The following DYNC1H1 variants were observed in gnomAD, a reference collection of about 807,000 sequenced individuals.
The protein encoded by DYNC1H1 is cytoplasmic dynein 1 heavy chain 1.
A neutral mutation model predicts 527.1 loss-of-function variants in DYNC1H1; 51 were observed. The observed-to-expected ratio is 0.10, with a 90% CI of 0.08 to 0.12. The LOEUF (loss-of-function observed/expected upper bound fraction) is 0.12. Among genes scored for constraint, DYNC1H1 ranks in the 10% least tolerant of loss-of-function variants. The probability of loss-of-function intolerance (pLI) is 1.00; values close to 1 mark genes in which losing one functional copy is unlikely to be tolerated. For missense variants in DYNC1H1, 2,771 were observed against 5,971.8 expected (o/e 0.46, Z 17.66); for synonymous variants, 2,189 against 2,278.8 (o/e 0.96, Z 1.12).
In DYNC1H1 at chr14:102,047,898, AGAC is replaced by A. The variant is rs879743942; in HGVS notation, c.13091_13093del (p.Thr4364del). On this transcript the variant is annotated inframe_deletion, in exon 73 of 78. Coordinates refer to ENST00000360184, the MANE Select transcript of DYNC1H1 (RefSeq NM_001376.5). ...CTGGCCTACGCAGAGACTGAGAAGA[AGAC>A]GAGGACAGACTCCACGTCCGACGGG... 5.6e-6 allele frequency: 9 copies of A among 1,613,610 alleles called. No individual in the cohort carries two copies. Among genetic ancestry groups the A allele is most frequent in the Non-Finnish European group, 7.6e-6 (9 of 1,180,010 alleles).
intron 23 of DYNC1H1, among the ~76,000 whole-genome samples, chr14:102,003,382 C>T (rs2048154000): frequency 6.6e-6 from 1 of 151,982 alleles, no homozygotes; most frequent in Non-Finnish European, 1.5e-5. Flanking sequence ...TTTCCTCAGC[C>T]TCCTGAGTAA....
At chr14:101,994,540 G>A in intron 12 of DYNC1H1, 133 bp from the exon 13 acceptor site, 1 of 1,356,018 alleles carries the variant, frequency 7.4e-7, no homozygotes, top group South Asian at 1.3e-5. Context: ...AAAATTCTGA[G>A]AGTCTGAAGT....
At position 101,985,702 on chromosome 14, in the gene DYNC1H1, C is replaced by A. The variant is rs1298953581; in HGVS notation, c.1477C>A (p.Gln493Lys). 1.9e-6 allele frequency: 3 copies of A among 1,614,172 alleles called. No homozygotes were observed. The highest frequency in any genetic ancestry group is 2.5e-6 in the Non-Finnish European group (3 of 1,180,046). ...VLRPQVTAVA[Q>K]QNQGEVPEPQ... ...TCTCCTTTAGGTCACGGCAGTTGCA[C>A]AACAGAATCAAGGAGAGGTCCCTGA... The change falls in exon 8 of 78, where the codon CAA becomes AAA. Residue 493 changes from glutamine (Q) to lysine (K), a missense_variant. Gln to Lys is a moderately conservative substitution (Grantham distance 53). Transcript: ENST00000360184. This position sits in a 1 kb window ranked among gnomAD's most constrained non-coding sequence, Gnocchi z 5.9.
chr14:102,040,105 A>G (rs2048628075), intron 62 of DYNC1H1, 131 bp from the exon 63 acceptor site: 1 of 1,281,092 alleles, frequency 7.8e-7, no homozygotes, highest in Non-Finnish European at 1.1e-6. Context: ...TCGGCCTCCC[A>G]GAGTGCTGAG....
At position 102,002,897 on chromosome 14, in the gene DYNC1H1, A is replaced by G; in HGVS notation, c.4815A>G (p.Ala1605=). ...TACAGAGGTCTCTGGAAAGATTGGC[A>G]GACCTGCTAGGAAAGATCCAGAAAG... ...QGVQRSLERL[A]DLLGKIQKAL... is the part of the protein sequence containing the mutation. The change falls in exon 23 of 78, where the codon GCA becomes GCG. Residue 1605 remains alanine, a synonymous_variant. Coordinates refer to ENST00000360184, the MANE Select transcript of DYNC1H1 (RefSeq NM_001376.5). The surrounding 1 kb of genome is among the most constrained non-coding windows in gnomAD (Gnocchi z 4.4). 6.2e-7 allele frequency: 1 copy of G among 1,614,226 alleles called. No individual in the cohort carries two copies. The highest frequency in any genetic ancestry group is 8.5e-7 in the Non-Finnish European group (1 of 1,180,034).
chr14:101,966,122 A>G (rs553482273), intron 1 of DYNC1H1, among the ~76,000 whole-genome samples: 22 of 152,310 alleles, frequency 1.4e-4, no homozygotes, highest in African/African-American at 5.1e-4. Flanking sequence ...AAAAAACTGT[A>G]TGGTTCTCTC....
intron 51 of DYNC1H1, chr14:102,030,488 G>A: frequency 3.0e-6 from 2 of 664,748 alleles, no homozygotes; most frequent in East Asian, 3.0e-5. Context: ...AAGCTAGATT[G>A]TATTTACCAT....
rs1487761530 is a variant in DYNC1H1, at chr14:102,033,758, G to A, written c.10414-218G>A. 12 of 686,096 alleles carry A rather than the reference G, an allele frequency of 1.7e-5. No individual in the cohort carries two copies. The highest frequency in any genetic ancestry group is 2.7e-5 in the Non-Finnish European group (11 of 401,986). 42.5% of individuals were successfully genotyped at this position (686,096 alleles called of 1,614,324 possible). ...GTTTGCTCTGCTGCCTGAGGGCCTC[G>A]CTCCGTACCCAGCTTCTGCCCCGCT... On this transcript the variant is annotated intron_variant, in intron 54 of 77. Transcript: ENST00000360184. This position sits in a 1 kb window ranked among gnomAD's most constrained non-coding sequence, Gnocchi z 5.6.
intron 55 of DYNC1H1, 52 bp from the exon 56 acceptor site, chr14:102,034,273 A>G: frequency 2.5e-6 from 4 of 1,614,258 alleles, no homozygotes; most frequent in Non-Finnish European, 3.4e-6. Flanking sequence ...TCTTGAGAAC[A>G]GTCCCATCTG....
intron 29 of DYNC1H1, among the ~76,000 whole-genome samples, chr14:102,008,963 C>T (rs566301169): frequency 5.3e-5 from 8 of 152,350 alleles, no homozygotes; most frequent in South Asian, 2.1e-4. Context: ...GTCTTTGCCA[C>T]GGGATGAGCG....
rs76939650 is a variant in DYNC1H1 at position 101,967,890 on chromosome 14, C to G, written c.256+2943C>G. 5.5e-3 allele frequency among the ~76,000 whole-genome samples: 843 copies of G among 152,260 alleles called. 5 individuals carry two copies. The highest frequency in any genetic ancestry group is 0.02 in the African/African-American group (817 of 41,536). ...AAATGTTGTGAATTTAACAACTCAT[C>G]TTGATACTGAGGAATTGGAGAGTTT... On this transcript the variant is annotated intron_variant, in intron 1 of 77. Transcript: ENST00000360184.
intron 51 of DYNC1H1, among the ~76,000 whole-genome samples, chr14:102,031,358 C>T (rs993670676): frequency 1.3e-5 from 2 of 152,108 alleles, no homozygotes; most frequent in African/African-American, 2.4e-5. Flanking sequence ...CCTGAGCCTC[C>T]TGAGTAGCTG....
chr14:101,976,652 A>G (rs904401403), intron 2 of DYNC1H1, among the ~76,000 whole-genome samples: 1 of 152,166 alleles, frequency 6.6e-6, no homozygotes, highest in African/African-American at 2.4e-5. Flanking sequence ...AATTCAATAT[A>G]AATTCTAAAA....
chr14:102,015,092 G>A lies in DYNC1H1; in HGVS notation c.7015-13G>A. On this transcript the variant is annotated splice_polypyrimidine_tract_variant and intron_variant, in intron 34 of 77. Transcript: ENST00000360184. The surrounding 1 kb of genome is among the most constrained non-coding windows in gnomAD (Gnocchi z 6.9). ...ACCTATGTCATTAAATCTGCTTAAT[G>A]TTTTCTTTCAAGGTGAGAATAATGT... The A allele has an allele frequency of 1.2e-6, 2 of 1,614,084 alleles. No individual in the cohort carries two copies. The highest frequency in any genetic ancestry group is 2.7e-5 in the African/African-American group (2 of 75,050).
At chr14:102,043,830 G>T in intron 69 of DYNC1H1, 45 bp from the exon 70 acceptor site, 1 of 1,613,866 alleles carries the variant, frequency 6.2e-7, no homozygotes. Context: ...TCTTGGCGAA[G>T]TGCTGTTTTC....
intron 41 of DYNC1H1, 39 bp from the exon 42 acceptor site, chr14:102,019,854 G>T: frequency 6.2e-7 from 1 of 1,613,398 alleles, no homozygotes; most frequent in Non-Finnish European, 8.5e-7. Context: ...TGTGTCTTAA[G>T]ATATTTACGT....
intron 51 of DYNC1H1, 115 bp from the exon 52 acceptor site, chr14:102,032,157 A>C: frequency 8.0e-7 from 1 of 1,245,232 alleles, no homozygotes; most frequent in Non-Finnish European, 1.2e-6. Flanking sequence ...CTAAGCAGCT[A>C]GCTGTCCTTT....
Position 102,029,065 on chromosome 14 carries a change from C to G in DYNC1H1, c.9469-474C>G, listed in dbSNP as rs911766906. On this transcript the variant is annotated intron_variant, in intron 48 of 77. Transcript: ENST00000360184. This position sits in a 1 kb window ranked among gnomAD's most constrained non-coding sequence, Gnocchi z 5.3. ...CTCTGAGCTTGTAGGTGTCCTGCTG[C>G]CCAGCCCCTGCAGGCCATCTCCATT... 4 of 206,796 alleles carry G rather than the reference C, an allele frequency of 1.9e-5. No individual in the cohort carries two copies. The highest frequency in any genetic ancestry group is 9.4e-5 in the African/African-American group (4 of 42,754). 12.8% of individuals were successfully genotyped at this position (206,796 alleles called of 1,614,324 possible). A position where few individuals can be genotyped will look rare whatever the true frequency, so the allele number is the denominator to read the frequency against.
Position 102,041,835 on chromosome 14 carries a change from A to G in DYNC1H1, c.12102+101A>G. ...GGCATCTGCTCTCACTCCGGGCTAC[A>G]GTCTCCTCCTAAGACCAGGAACTCG... On this transcript the variant is annotated intron_variant, in intron 65 of 77. Transcript: ENST00000360184. The surrounding 1 kb of genome is among the most constrained non-coding windows in gnomAD (Gnocchi z 4.5). The G allele has an allele frequency of 6.3e-7, 1 of 1,581,124 alleles. No individual in the cohort carries two copies.
Sources: gnomAD v4.1 joint callset for allele counts (sites outside exome capture counted in the v4.1 genomes callset) on GRCh38, gnomAD v4.1.1 for gene constraint, Gnocchi (gnomAD v3.1) non-coding constraint, MANE v1.5 for transcripts, NCBI Gene and HGNC (gene_info 2026-07-23, HGNC 2026-07-21) for gene names.